The following SLCO1A2 variants were observed in gnomAD, a reference collection of about 807,000 sequenced individuals.
SLCO1A2 encodes solute carrier organic anion transporter family member 1A2.
In SLCO1A2, 67 loss-of-function variants were observed where a neutral mutation model predicts 69.0. That is an observed-to-expected ratio of 0.97 (90% CI 0.80 to 1.19). The LOEUF (loss-of-function observed/expected upper bound fraction) is 1.19. Ranked by LOEUF, SLCO1A2 falls within the 50% of genes most tolerant of loss-of-function variation. The pLI, the probability that SLCO1A2 is intolerant of heterozygous loss-of-function variation, is 0.00. For missense variants in SLCO1A2, 787 were observed against 793.7 expected (o/e 0.99, Z 0.10); for synonymous variants, 260 against 265.9 (o/e 0.98, Z 0.22).
At chr12:21,282,357 G>GA (rs980683341) in intron 12 of SLCO1A2, among the ~76,000 whole-genome samples, 1 of 150,980 alleles carries the variant, frequency 6.6e-6, no homozygotes, top group Non-Finnish European at 1.5e-5. Context: ...AATTAATGTG[G>GA]AAAAAACATT....
chr12:21,356,446 A>G (rs1565513532), intron 2 of SLCO1A2, among the ~76,000 whole-genome samples: 1 of 152,016 alleles, frequency 6.6e-6, no homozygotes, highest in Non-Finnish European at 1.5e-5. Flanking sequence ...TTTATACCTA[A>G]AGATAACAAT....
Position 21,300,433 on chromosome 12 carries a change from T to C in SLCO1A2, c.825A>G (p.Leu275=). ...TTTTAATGATGTCAGCATTAGTCTCTAGTCCTTCCTTTGGAAGTGTGTTGG... is the reference window on the plus strand; with the variant it reads ...TTTTAATGATGTCAGCATTAGTCTCCAGTCCTTCCTTTGGAAGTGTGTTGG... ...FLPNTLPKEG[L]ETNADIIKNE... The change falls in exon 8 of 15, where the codon CTA becomes CTG. Residue 275 remains leucine, a synonymous_variant. Transcript: ENST00000683939. 2 of 1,613,702 alleles carry C rather than the reference T, an allele frequency of 1.2e-6. No individual in the cohort carries two copies. Among genetic ancestry groups the C allele is most frequent in the Non-Finnish European group, 1.7e-6 (2 of 1,179,764 alleles).
intron 8 of SLCO1A2, among the ~76,000 whole-genome samples, chr12:21,299,793 C>G (rs757957402): frequency 2.6e-5 from 3 of 113,664 alleles, no homozygotes; most frequent in Admixed American, 2.5e-4. Flanking sequence ...TATATATACA[C>G]ACACACGTAT....
intron 12 of SLCO1A2, among the ~76,000 whole-genome samples, chr12:21,288,093 T>G (rs1946243650): frequency 6.6e-6 from 1 of 150,588 alleles, no homozygotes. Flanking sequence ...TTAAGTAAAG[T>G]AGGGCAGGCA....
intron 14 of SLCO1A2, among the ~76,000 whole-genome samples, chr12:21,273,632 G>T (rs1281809402): frequency 3.3e-5 from 5 of 152,088 alleles, no homozygotes; most frequent in African/African-American, 7.2e-5. Flanking sequence ...CCTCAATAGT[G>T]ACCCTTGGGG....
chr12:21,392,248 A>G (rs1479514343), intron 1 of SLCO1A2, among the ~76,000 whole-genome samples: 1 of 152,108 alleles, frequency 6.6e-6, no homozygotes, highest in Non-Finnish European at 1.5e-5. Flanking sequence ...CTAAACTCTC[A>G]TCACCACTCC....
intron 11 of SLCO1A2, among the ~76,000 whole-genome samples, chr12:21,292,966 A>G (rs1236423579): frequency 2.0e-5 from 3 of 152,212 alleles, no homozygotes. Context: ...AGAGTGCTCA[A>G]CTGAAATATT....
In SLCO1A2 at chr12:21,314,615, C is replaced by T. The variant is rs768778298; in HGVS notation, c.269G>A (p.Gly90Asp). 1.7e-5 allele frequency: 27 copies of T among 1,613,446 alleles called. No homozygotes were observed. Among genetic ancestry groups the T allele is most frequent in the Non-Finnish European group, 2.1e-5 (25 of 1,179,570 alleles). The change falls in exon 4 of 15, where the codon GGC becomes GAC. Residue 90 changes from glycine (G) to aspartate (D), a missense_variant. Transcript: ENST00000683939. ...GTKLHRPIMI[G>D]IGCVVMGLGC... ...TAAGCCCATAACCACACATCCAATG[C>T]CAATCATTATAGGTCTATGCAGTTT...
intron 2 of SLCO1A2, among the ~76,000 whole-genome samples, chr12:21,362,524 G>A (rs986024800): frequency 1.3e-5 from 2 of 152,110 alleles, no homozygotes; most frequent in Non-Finnish European, 2.9e-5. Context: ...ACATCATAAT[G>A]ACAGGATAAA....
intron 12 of SLCO1A2, among the ~76,000 whole-genome samples, chr12:21,282,146 G>C (rs1001092794): frequency 6.0e-5 from 9 of 149,198 alleles, no homozygotes; most frequent in Admixed American, 4.0e-4. Context: ...AAAACTAAAG[G>C]CTAATATCAC....
chr12:21,413,944 C>A (rs2137209501), intron 1 of SLCO1A2, among the ~76,000 whole-genome samples: 1 of 152,326 alleles, frequency 6.6e-6, no homozygotes, highest in Admixed American at 6.5e-5. Flanking sequence ...GCCCTCACAG[C>A]TTCACTGGAC....
intron 4 of SLCO1A2, among the ~76,000 whole-genome samples, chr12:21,313,729 C>G (rs1950502880): frequency 6.7e-6 from 1 of 150,098 alleles, no homozygotes; most frequent in African/African-American, 2.5e-5. Context: ...AAAATAAAAA[C>G]AGAGGCCGAG....
chr12:21,397,421 AT>A (rs1242517254), upstream of SLCO1A2, among the ~76,000 whole-genome samples: 3 of 152,132 alleles, frequency 2.0e-5, no homozygotes, highest in East Asian at 1.9e-4. Flanking sequence ...CACATTAATA[AT>A]GGGAGACTTT....
At chr12:21,409,087 T>C (rs1230283870) in intron 1 of SLCO1A2, among the ~76,000 whole-genome samples, 3 of 152,226 alleles carry the variant, frequency 2.0e-5, no homozygotes, top group Admixed American at 6.5e-5. Context: ...ATTCTGTTAC[T>C]GTTTGCTTCT....
intron 2 of SLCO1A2, chr12:21,373,237 TA>T (rs1939929093): frequency 2.6e-6 from 2 of 778,896 alleles, no homozygotes; most frequent in Non-Finnish European, 2.2e-6. Context: ...AATTACGTTT[TA>T]AAAAGATGTT....
chr12:21,307,907 G>T (rs1217790730), intron 4 of SLCO1A2, among the ~76,000 whole-genome samples: 1 of 152,114 alleles, frequency 6.6e-6, no homozygotes, highest in East Asian at 1.9e-4. Context: ...ATTGCTCATT[G>T]ATGCCCAAAG....
intron 2 of SLCO1A2, among the ~76,000 whole-genome samples, chr12:21,366,799 GA>G (rs1812954522): frequency 1.3e-5 from 2 of 151,708 alleles, no homozygotes. Context: ...TTTTTTTATG[GA>G]AAAGTTGGTA....
At position 21,318,693 on chromosome 12, in the gene SLCO1A2, TA is replaced by T; in HGVS notation, c.202+88del. On this transcript the variant is annotated intron_variant, in intron 3 of 14. Coordinates refer to ENST00000683939, the MANE Select transcript of SLCO1A2 (RefSeq NM_001386879.1). ...TATAACTCGGTCAGATTAAATGACC[TA>T]AAACAGCAAATAAGGAGAATAAAAT... The T allele has an allele frequency of 3.4e-6, 4 of 1,193,940 alleles. No homozygotes were observed. In the Admixed American group the frequency reaches 1.0e-4, roughly 30 times the overall value. The allele number at this position is 1,193,940 out of a possible 1,614,324, so 74.0% of individuals were successfully genotyped here.
At chr12:21,384,459 T>C (rs911655049) in intron 1 of SLCO1A2, among the ~76,000 whole-genome samples, 2 of 152,194 alleles carry the variant, frequency 1.3e-5, no homozygotes, top group Non-Finnish European at 2.9e-5. Context: ...ACCACTTCTC[T>C]GTGGGAACAT....
Sources: gnomAD v4.1 joint callset for allele counts (sites outside exome capture counted in the v4.1 genomes callset) on GRCh38, gnomAD v4.1.1 for gene constraint, MANE v1.5 for transcripts, NCBI Gene and HGNC (gene_info 2026-07-23, HGNC 2026-07-21) for gene names.